The following BMPR1A variants were observed in gnomAD, a reference collection of about 807,000 sequenced individuals.
The protein encoded by BMPR1A is bone morphogenetic protein receptor type 1A, also known as bone morphogenetic protein receptor type-1A.
In BMPR1A, 7 loss-of-function variants were observed where a neutral mutation model predicts 66.0. The ratio of observed to expected loss-of-function variants is 0.11; its 90% confidence interval spans 0.06 to 0.20. BMPR1A has a LOEUF of 0.20. Ranked by LOEUF, BMPR1A falls within the 10% of genes least tolerant of loss-of-function variation. BMPR1A has a pLI of 1.00. For synonymous variants in BMPR1A, 200 were observed against 229.7 expected (o/e 0.87, Z 1.17); for missense variants, 408 against 669.1 (o/e 0.61, Z 4.31).
chr10:86,874,626 C>G (rs752503304), intron 2 of BMPR1A, among the ~76,000 whole-genome samples: 13 of 150,580 alleles, frequency 8.6e-5, no homozygotes, highest in Non-Finnish European at 1.3e-4. Context: ...CCTGGATGGT[C>G]TCGATCTCCT....
intron 1 of BMPR1A, among the ~76,000 whole-genome samples, chr10:86,771,676 T>C (rs1841264255): frequency 6.6e-6 from 1 of 152,336 alleles, no homozygotes; most frequent in African/African-American, 2.4e-5. Context: ...AGAGTTGACT[T>C]TTAACAATTA....
At chr10:86,837,231 C>CTGTGTGTGTGTGTGTGTGTGTGTGTGTG (rs140440137) in intron 1 of BMPR1A, among the ~76,000 whole-genome samples, 2 of 143,644 alleles carry the variant, frequency 1.4e-5, no homozygotes, top group Non-Finnish European at 3.0e-5. Context: ...TAGAATCAGG[C>CTGTGTGTGTGTGTGTGTGTGTGTGTGTG]TGTGTGTGTG....
At chr10:86,898,459 A>G (rs758285604) in intron 5 of BMPR1A, among the ~76,000 whole-genome samples, 3 of 152,184 alleles carry the variant, frequency 2.0e-5, no homozygotes, top group Non-Finnish European at 4.4e-5. Context: ...CTCATAAGGA[A>G]TACAAACGCA....
chr10:86,880,056 C>T (rs78306777), intron 3 of BMPR1A, among the ~76,000 whole-genome samples: 4,970 of 152,202 alleles, frequency 0.033, 254 homozygotes, highest in African/African-American at 0.11. Context: ...ACAGCTTTAG[C>T]GGCCTGCTTT....
At chr10:86,905,833 T>C (rs1843377558) in intron 7 of BMPR1A, among the ~76,000 whole-genome samples, 1 of 151,886 alleles carries the variant, frequency 6.6e-6, no homozygotes, top group Non-Finnish European at 1.5e-5. Context: ...AATTGCCAAG[T>C]AATGTTTTAT....
chr10:86,889,083 A>T lies in BMPR1A; in HGVS notation c.68-979A>T, dbSNP rs543540468. 3.3e-5 allele frequency among the ~76,000 whole-genome samples: 5 copies of T among 152,308 alleles called. No individual in the cohort carries two copies. The East Asian group carries it at 9.7e-4, about 29-fold the overall frequency. On this transcript the variant is annotated intron_variant, in intron 3 of 12. Coordinates refer to ENST00000372037, the MANE Select transcript of BMPR1A (RefSeq NM_004329.3). ...CCTTTCATTCCCTTGAGAGTAACCC[A>T]CAAAGAATGGCCTAGCTGAGTCAGA...
Position 86,876,110 on chromosome 10 carries a change from T to C in BMPR1A, c.67+25T>C, listed in dbSNP as rs191498701. The stretch of plus-strand genomic sequence containing the variant: ...GGTAAATCAGTGTTCATTTTAGTAA[T>C]GTATGTGTGTATATAAAAAGCACTA... On this transcript the variant is annotated intron_variant, in intron 3 of 12. Coordinates refer to ENST00000372037, the MANE Select transcript of BMPR1A (RefSeq NM_004329.3). 439 of 1,572,390 alleles carry C rather than the reference T, an allele frequency of 2.8e-4. 2 individuals carry two copies. The highest frequency in any genetic ancestry group is 2.0e-3 in the African/African-American group (150 of 73,796).
At chr10:86,901,276 A>C (rs981660043) in intron 7 of BMPR1A, among the ~76,000 whole-genome samples, 37 of 152,232 alleles carry the variant, frequency 2.4e-4, no homozygotes, top group African/African-American at 8.9e-4. Context: ...GTCACTCCTG[A>C]ATGCATGATC....
intron 1 of BMPR1A, among the ~76,000 whole-genome samples, chr10:86,773,144 T>TC (rs909158134): frequency 1.3e-5 from 2 of 151,156 alleles, no homozygotes; most frequent in Admixed American, 1.3e-4. Flanking sequence ...TTTTTTTTTT[T>TC]CCTGAATGTT....
At chr10:86,861,140 C>CTA (rs1485378583) in intron 2 of BMPR1A, among the ~76,000 whole-genome samples, 1 of 152,144 alleles carries the variant, frequency 6.6e-6, no homozygotes, top group Non-Finnish European at 1.5e-5. Flanking sequence ...CGCGCCTGGC[C>CTA]TAGAACTTCT....
chr10:86,930,705 C>T (rs1026337562), downstream of BMPR1A: 4 of 152,078 alleles, frequency 2.6e-5, no homozygotes, highest in African/African-American at 2.4e-5. Context: ...CTCTCAATGT[C>T]GCTACATCCA....
At chr10:86,848,360 T>C (rs1333089819) in intron 2 of BMPR1A, among the ~76,000 whole-genome samples, 1 of 152,238 alleles carries the variant, frequency 6.6e-6, no homozygotes, top group Non-Finnish European at 1.5e-5. Flanking sequence ...GCCTGGCCTA[T>C]AGAGCTCTAA....
intron 3 of BMPR1A, among the ~76,000 whole-genome samples, chr10:86,877,459 G>A (rs111468472): frequency 0.13 from 19,115 of 152,042 alleles, 1,538 homozygotes; most frequent in African/African-American, 0.21. Context: ...CACCCACTTC[G>A]GCCTCCCAAA....
chr10:86,920,845 C>T (rs1230029426), intron 10 of BMPR1A, among the ~76,000 whole-genome samples: 3 of 147,742 alleles, frequency 2.0e-5, no homozygotes, highest in South Asian at 2.1e-4. Context: ...TTTTTTTTTT[C>T]CTTTTCTTTT....
intron 7 of BMPR1A, among the ~76,000 whole-genome samples, chr10:86,910,612 T>C (rs1266385792): frequency 1.3e-5 from 2 of 151,096 alleles, no homozygotes; most frequent in Non-Finnish European, 3.0e-5. Context: ...GGGAGGAGGA[T>C]TTTTTTTTGC....
intron 1 of BMPR1A, among the ~76,000 whole-genome samples, chr10:86,810,798 A>G (rs1421253733): frequency 6.6e-6 from 1 of 152,198 alleles, no homozygotes; most frequent in Non-Finnish European, 1.5e-5. Context: ...TATATTCCAG[A>G]TACAAGTCCT....
chr10:86,760,186 C>CTT (rs1564675287), intron 1 of BMPR1A, among the ~76,000 whole-genome samples: 7 of 67,494 alleles, frequency 1.0e-4, no homozygotes, highest in African/African-American at 1.5e-4. Context: ...TCAGATTTAC[C>CTT]TGTTTTTTTT....
At position 86,924,303 on chromosome 10, in the gene BMPR1A, T is replaced by G. The variant is rs1417070714; in HGVS notation, c.*584T>G. 2.1e-5 allele frequency: 5 copies of G among 239,570 alleles called. No homozygotes were observed. The highest frequency in any genetic ancestry group is 1.1e-4 in the African/African-American group (5 of 45,360). 14.8% of individuals were successfully genotyped at this position (239,570 alleles called of 1,614,324 possible). On this transcript the variant is annotated 3_prime_UTR_variant, in exon 13 of 13. Coordinates refer to ENST00000372037, the MANE Select transcript of BMPR1A (RefSeq NM_004329.3). ...GCCATTTGAATTAGAAGAAAATAAT[T>G]TATATGCATGCACAGGAAGATATTG...
At chr10:86,760,683 A>G (rs531778033) in intron 1 of BMPR1A, among the ~76,000 whole-genome samples, 8 of 148,838 alleles carry the variant, frequency 5.4e-5, no homozygotes, top group South Asian at 4.2e-4. Flanking sequence ...TGATCTGACT[A>G]TTGGATCTTA....
Sources: gnomAD v4.1 joint callset for allele counts (sites outside exome capture counted in the v4.1 genomes callset) on GRCh38, gnomAD v4.1.1 for gene constraint, MANE v1.5 for transcripts, NCBI Gene and HGNC (gene_info 2026-07-23, HGNC 2026-07-21) for gene names.